RYR2: variants seen among roughly 807,000 people sequenced by gnomAD.
RYR2 encodes the protein ryanodine receptor 2.
A neutral mutation model predicts 601.1 loss-of-function variants in RYR2; 227 were observed. The observed-to-expected ratio is 0.38, with a 90% CI of 0.34 to 0.42. The LOEUF is 0.42. Ranked by LOEUF, RYR2 falls within the 10% of genes least tolerant of loss-of-function variation. The pLI is 1.00. For synonymous variants in RYR2, 2,223 were observed against 2,175.1 expected (o/e 1.02, Z -0.61); for missense variants, 4,646 against 6,156.5 (o/e 0.75, Z 8.21).
chr1:237,608,765 G>A (rs1025178278), intron 35 of RYR2, among the ~76,000 whole-genome samples: 1 of 147,486 alleles, frequency 6.8e-6, no homozygotes, highest in Non-Finnish European at 1.5e-5. Flanking sequence ...TTGGAAATGA[G>A]AGAAAGGAGG....
intron 1 of RYR2, among the ~76,000 whole-genome samples, chr1:237,085,781 C>T (rs927689795): frequency 6.6e-6 from 1 of 151,956 alleles, no homozygotes; most frequent in African/African-American, 2.4e-5. Context: ...AGGAGGTGTC[C>T]CTCTGTCACC....
chr1:237,677,567 T>A (rs185417657), intron 60 of RYR2, among the ~76,000 whole-genome samples: 1 of 152,296 alleles, frequency 6.6e-6, no homozygotes, highest in Admixed American at 6.5e-5. Context: ...TTCCTGCAGT[T>A]TTTTAGTTTG....
intron 1 of RYR2, among the ~76,000 whole-genome samples, chr1:237,133,102 T>G (rs1177942183): frequency 6.6e-6 from 1 of 152,014 alleles, no homozygotes; most frequent in East Asian, 1.9e-4. Flanking sequence ...TGGGAGACAG[T>G]GGGCTGGTGG....
chr1:237,249,703 T>C (rs1440410314), intron 1 of RYR2, among the ~76,000 whole-genome samples: 2 of 152,230 alleles, frequency 1.3e-5, no homozygotes, highest in Non-Finnish European at 2.9e-5. Flanking sequence ...CCTCAAAATA[T>C]CAAGCCCTAA....
chr1:237,437,875 G>A (rs1707555774), intron 12 of RYR2, among the ~76,000 whole-genome samples: 2 of 152,244 alleles, frequency 1.3e-5, no homozygotes, highest in South Asian at 4.1e-4. Flanking sequence ...ATAAGATAAT[G>A]CTTATAAGAT....
At chr1:237,358,465 C>T (rs1699487492) in intron 4 of RYR2, among the ~76,000 whole-genome samples, 1 of 151,718 alleles carries the variant, frequency 6.6e-6, no homozygotes. Context: ...GTGTCATGCA[C>T]TGGGCTTGCC....
At chr1:237,425,556 C>T (rs1209792249) in intron 12 of RYR2, among the ~76,000 whole-genome samples, 1 of 151,968 alleles carries the variant, frequency 6.6e-6, no homozygotes, top group Admixed American at 6.6e-5. Context: ...ATCGCTTGAA[C>T]TCGGGAGGCA....
chr1:237,668,478 A>G (rs1684519063), intron 58 of RYR2, among the ~76,000 whole-genome samples: 1 of 152,150 alleles, frequency 6.6e-6, no homozygotes, highest in Admixed American at 6.5e-5. Flanking sequence ...TATGCTGATG[A>G]TATCTTTCAA....
At chr1:237,803,974 G>A (rs1022603338) in intron 98 of RYR2, among the ~76,000 whole-genome samples, 2 of 152,108 alleles carry the variant, frequency 1.3e-5, no homozygotes, top group Non-Finnish European at 2.9e-5. Context: ...AGCTTAACTA[G>A]AGCAAGCTCA....
intron 1 of RYR2, among the ~76,000 whole-genome samples, chr1:237,182,258 A>G (rs571697392): frequency 4.6e-5 from 7 of 152,094 alleles, no homozygotes; most frequent in Admixed American, 2.0e-4. Flanking sequence ...AGTAGCTGGG[A>G]TTACAGGTGT....
chr1:237,264,955 G>T (rs1033567771), intron 1 of RYR2, among the ~76,000 whole-genome samples: 1 of 151,920 alleles, frequency 6.6e-6, no homozygotes, highest in Non-Finnish European at 1.5e-5. Flanking sequence ...ACCTGCCTCG[G>T]CCTCCCAAAG....
chr1:237,806,132 A>G lies in RYR2; in HGVS notation c.14152-5A>G. Reference sequence around the variant, plus strand: ...ATGTTCTTTCCCCCCGTTTTGTCTTAATAGTCCTTCCTCTACCTAGCCTGG... The same window carrying G: ...ATGTTCTTTCCCCCCGTTTTGTCTTGATAGTCCTTCCTCTACCTAGCCTGG... On this transcript the variant is annotated splice_region_variant and splice_polypyrimidine_tract_variant and intron_variant, in intron 98 of 104. Coordinates refer to ENST00000366574, the MANE Select transcript of RYR2 (RefSeq NM_001035.3). 6.2e-7 allele frequency: 1 copy of G among 1,613,184 alleles called. No homozygotes were observed. The highest frequency in any genetic ancestry group is 8.5e-7 in the Non-Finnish European group (1 of 1,179,372).
Position 237,506,726 on chromosome 1 carries a change from A to C in RYR2, c.2630A>C (p.His877Pro), listed in dbSNP as rs561321743. Reference sequence around the variant, plus strand: ...AAATTTTAGATCGTGTTGCCTCCTCATCTAGAAAGAATAAGAGAAAAACTG... The same window carrying C: ...AAATTTTAGATCGTGTTGCCTCCTCCTCTAGAAAGAATAAGAGAAAAACTG... ...VDTSQIVLPPHLERIREKLAE... is the reference protein window; with the variant it reads ...VDTSQIVLPPPLERIREKLAE... Residue 877 changes from histidine (H) to proline (P), a missense_variant, in exon 23 of 105, where the codon CAT becomes CCT. Coordinates refer to ENST00000366574, the MANE Select transcript of RYR2 (RefSeq NM_001035.3). The C allele has an allele frequency of 1.5e-4, 239 of 1,612,868 alleles. No homozygotes were observed. The Admixed American group carries it at 3.9e-3, about 27-fold the overall frequency.
rs376568280 is a variant in RYR2, at chr1:237,536,337, C to T, written c.2906+5827C>T. Among the ~76,000 whole-genome samples, 43 of 152,252 alleles carry T rather than the reference C, an allele frequency of 2.8e-4. 1 individual carries two copies. In the South Asian group the frequency reaches 8.5e-3, roughly 30 times the overall value. ...TGTTAATCCCAGCACTTTGGGAGGC[C>T]GAGGCAGGCGGATCACAAGGTCAGG... On this transcript the variant is annotated intron_variant, in intron 25 of 104. Transcript: ENST00000366574.
intron 1 of RYR2, among the ~76,000 whole-genome samples, chr1:237,043,252 G>A (rs1323093635): frequency 6.6e-6 from 1 of 152,090 alleles, no homozygotes; most frequent in Non-Finnish European, 1.5e-5. Flanking sequence ...TGCTGTGACC[G>A]CTTGCAAAGC....
chr1:237,232,129 TA>T (rs967844808), intron 1 of RYR2, among the ~76,000 whole-genome samples: 1 of 152,204 alleles, frequency 6.6e-6, no homozygotes, highest in African/African-American at 2.4e-5. Flanking sequence ...CTAAAATCCT[TA>T]GAATCTCCAA....
chr1:237,753,901 T>G (rs1257617734), intron 80 of RYR2, among the ~76,000 whole-genome samples: 1 of 151,938 alleles, frequency 6.6e-6, no homozygotes, highest in Non-Finnish European at 1.5e-5. Context: ...ATCTGAAAAT[T>G]TTCTGGTTTA....
intron 62 of RYR2, among the ~76,000 whole-genome samples, chr1:237,684,640 C>T (rs556021896): frequency 6.6e-6 from 1 of 152,038 alleles, no homozygotes; most frequent in Non-Finnish European, 1.5e-5. Context: ...TACATTTGGT[C>T]AGGTATTTAT....
At chr1:237,200,419 C>T (rs1056781776) in intron 1 of RYR2, among the ~76,000 whole-genome samples, 1 of 152,122 alleles carries the variant, frequency 6.6e-6, no homozygotes, top group Non-Finnish European at 1.5e-5. Flanking sequence ...CGCCCACCAC[C>T]ATGCCTGGCT....
Sources: allele counts gnomAD v4.1 joint callset (sites outside exome capture counted in the v4.1 genomes callset), GRCh38; gene constraint gnomAD v4.1.1; transcripts MANE v1.5; gene names NCBI Gene and HGNC (gene_info 2026-07-23, HGNC 2026-07-21).